The following WNK1 variants were observed in gnomAD, a reference collection of about 807,000 sequenced individuals.
WNK1 encodes the protein WNK lysine deficient protein kinase 1.
A neutral mutation model predicts 222.8 loss-of-function variants in WNK1; 38 were observed. The observed-to-expected ratio is 0.17, with a 90% CI of 0.13 to 0.22. The LOEUF is 0.22. WNK1 is among the 10% of genes least tolerant of loss of function. The probability of loss-of-function intolerance (pLI) is 1.00; values close to 1 mark genes in which losing one functional copy is unlikely to be tolerated. For synonymous variants in WNK1, 1,090 were observed against 1,092.9 expected (o/e 1.00, Z 0.05); for missense variants, 2,348 against 2,918.4 (o/e 0.80, Z 4.50).
chr12:882,346 G>A lies in WNK1; in HGVS notation c.3372+273G>A, dbSNP rs113230037. ...CCCAAGTAGCTGGGACTACAGACAC[G>A]TGCCACCACGCACGGCTAGTTTTTG... On this transcript the variant is annotated intron_variant, in intron 14 of 27. Transcript: ENST00000315939. 0.068 allele frequency among the ~76,000 whole-genome samples: 10,353 copies of A among 151,972 alleles called. 414 individuals carry two copies. The highest frequency in any genetic ancestry group is 0.084 in the African/African-American group (3,471 of 41,430).
At chr12:871,509 T>A (rs749184627) in intron 9 of WNK1, among the ~76,000 whole-genome samples, 161 bp downstream of exon 9, 5 of 152,258 alleles carry the variant, frequency 3.3e-5, no homozygotes, top group Admixed American at 6.5e-5. Flanking sequence ...AAGAGACTTT[T>A]CTGTGTTTCA....
intron 8 of WNK1, chr12:868,325 G>A (rs777108944): frequency 6.2e-7 from 1 of 1,613,182 alleles, no homozygotes; most frequent in East Asian, 2.2e-5. Flanking sequence ...ACAGTATGAG[G>A]GCATTCCATA....
chr12:774,848 T>A (rs1591639201), intron 1 of WNK1, among the ~76,000 whole-genome samples: 1 of 152,330 alleles, frequency 6.6e-6, no homozygotes, highest in East Asian at 1.9e-4. Flanking sequence ...TGTTATATTT[T>A]TGCCTTCAGG....
At chr12:810,661 A>G (rs1565463043) in intron 1 of WNK1, among the ~76,000 whole-genome samples, 1 of 152,192 alleles carries the variant, frequency 6.6e-6, no homozygotes, top group Non-Finnish European at 1.5e-5. Flanking sequence ...CTAAAATATG[A>G]GGGTAAAGAG....
intron 10 of WNK1, 113 bp from the exon 11 acceptor site, chr12:879,460 T>G: frequency 1.4e-6 from 1 of 717,302 alleles, no homozygotes; most frequent in East Asian, 3.0e-5. Flanking sequence ...TTTTTTTTGT[T>G]TGTTTTTTCC....
intron 2 of WNK1, among the ~76,000 whole-genome samples, chr12:824,913 A>G (rs1591872915): frequency 6.6e-6 from 1 of 152,198 alleles, no homozygotes; most frequent in South Asian, 2.1e-4. Context: ...CCATTTATTC[A>G]TCCTCCATCC....
At chr12:817,890 T>A (rs1307305213) in intron 2 of WNK1, among the ~76,000 whole-genome samples, 1 of 152,058 alleles carries the variant, frequency 6.6e-6, no homozygotes, top group Non-Finnish European at 1.5e-5. Flanking sequence ...AAGTGGAGGT[T>A]GCAGTGAGCC....
At chr12:838,616 A>G (rs1949385931) in intron 4 of WNK1, among the ~76,000 whole-genome samples, 1 of 147,422 alleles carries the variant, frequency 6.8e-6, no homozygotes, top group Non-Finnish European at 1.5e-5. Flanking sequence ...AGGTTTTGTC[A>G]TGTTGCCCAG....
chr12:796,517 C>A (rs927891291), intron 1 of WNK1, among the ~76,000 whole-genome samples: 1 of 152,160 alleles, frequency 6.6e-6, no homozygotes, highest in African/African-American at 2.4e-5. Context: ...CTCAGGTGAT[C>A]CACCCACCTT....
At chr12:816,367 T>C (rs1425247622) in intron 2 of WNK1, among the ~76,000 whole-genome samples, 2 of 152,110 alleles carry the variant, frequency 1.3e-5, no homozygotes, top group African/African-American at 4.8e-5. Flanking sequence ...ACTCCTGGGC[T>C]CAGGGAATCC....
intron 1 of WNK1, among the ~76,000 whole-genome samples, chr12:783,908 CAAAAAAAAAAAAAA>C (rs1261411899): frequency 1.5e-4 from 4 of 27,442 alleles, no homozygotes; most frequent in African/African-American, 2.1e-4. Context: ...CTGTCTCCAC[CAAAAAAAAAAAAAA>C]AAAAAAAAAA....
chr12:865,126 G>A (rs1951536380), intron 8 of WNK1: 3 of 1,517,606 alleles, frequency 2.0e-6, no homozygotes, highest in Non-Finnish European at 2.6e-6. Flanking sequence ...CGTGGCCGTA[G>A]CATGTCGGTT....
In WNK1 at chr12:876,518, TAAG is replaced by T. The variant is rs1952633489; in HGVS notation, c.2224-1689_2224-1687del. Among the ~76,000 whole-genome samples, 3 of 152,154 alleles carry T rather than the reference TAAG, an allele frequency of 2.0e-5. No homozygotes were observed. The South Asian group carries it at 6.2e-4, about 32-fold the overall frequency. ...TTGGTGATTTTAATTGACATAAATA[TAAG>T]AAGAGCAAAAATATTATTTGTAGAT... On this transcript the variant is annotated intron_variant, in intron 9 of 27. Coordinates refer to ENST00000315939, the MANE Select transcript of WNK1 (RefSeq NM_018979.4).
chr12:767,277 G>C (rs1231843088), intron 1 of WNK1, among the ~76,000 whole-genome samples: 1 of 104,422 alleles, frequency 9.6e-6, no homozygotes, highest in Non-Finnish European at 1.7e-5. Flanking sequence ...TTTGGAGACA[G>C]AGTCTTGCTC....
intron 1 of WNK1, among the ~76,000 whole-genome samples, chr12:810,370 C>T (rs762943211): frequency 2.0e-5 from 3 of 152,100 alleles, no homozygotes; most frequent in Non-Finnish European, 4.4e-5. Flanking sequence ...AGACACTTTT[C>T]TCCACCCATA....
chr12:754,828 A>G (rs1939744137), intron 1 of WNK1, among the ~76,000 whole-genome samples: 1 of 152,170 alleles, frequency 6.6e-6, no homozygotes. Flanking sequence ...ATTATTAAAA[A>G]AAGACTCTTC....
intron 11 of WNK1, 117 bp downstream of exon 11, chr12:880,148 G>A (rs1471663802): frequency 4.0e-6 from 4 of 992,824 alleles, no homozygotes. Flanking sequence ...GTCAACTAGA[G>A]AAGCAAAATA....
chr12:755,559 G>T (rs570320833), intron 1 of WNK1, among the ~76,000 whole-genome samples: 1 of 151,966 alleles, frequency 6.6e-6, no homozygotes, highest in Non-Finnish European at 1.5e-5. Flanking sequence ...GAACTTCTAA[G>T]GTAGTGTGAA....
chr12:871,812 A>G (rs1278979392), intron 9 of WNK1, among the ~76,000 whole-genome samples: 3 of 152,170 alleles, frequency 2.0e-5, no homozygotes, highest in African/African-American at 7.2e-5. Context: ...CATGCTGGCC[A>G]GGCTGGTCTC....
Sources: gnomAD v4.1 joint callset for allele counts (sites outside exome capture counted in the v4.1 genomes callset) on GRCh38, gnomAD v4.1.1 for gene constraint, MANE v1.5 for transcripts, NCBI Gene and HGNC (gene_info 2026-07-23, HGNC 2026-07-21) for gene names.